SUGCT: variants seen among roughly 807,000 people sequenced by gnomAD.
SUGCT encodes the protein succinyl-CoA:glutarate CoA-transferase.
In SUGCT, 41 loss-of-function variants were observed where a neutral mutation model predicts 55.0. The ratio of observed to expected loss-of-function variants is 0.74; its 90% confidence interval spans 0.58 to 0.97. The LOEUF (loss-of-function observed/expected upper bound fraction) is 0.97. Ranked by LOEUF, SUGCT falls within the 50% of genes least tolerant of loss-of-function variation. The pLI, the probability that SUGCT is intolerant of heterozygous loss-of-function variation, is 0.00. For synonymous variants in SUGCT, 187 were observed against 200.4 expected (o/e 0.93, Z 0.56); for missense variants, 568 against 547.8 (o/e 1.04, Z -0.37).
intron 13 of SUGCT, among the ~76,000 whole-genome samples, chr7:40,777,654 G>A (rs1789530854): frequency 2.0e-5 from 3 of 152,222 alleles, no homozygotes; most frequent in South Asian, 4.2e-4. Context: ...GGAAAGCTGG[G>A]TCTGCTTGGG....
the SUGCT span, among the ~76,000 whole-genome samples, chr7:40,956,732 C>G: frequency 6.6e-6 from 1 of 152,120 alleles, no homozygotes; most frequent in Non-Finnish European, 1.5e-5. Flanking sequence ...TTAGATCTTT[C>G]CTGGTTTCTC....
chr7:40,646,730 A>G (rs568429311), intron 12 of SUGCT, among the ~76,000 whole-genome samples: 1 of 151,100 alleles, frequency 6.6e-6, no homozygotes, highest in Admixed American at 6.6e-5. Context: ...TAACCAGGTC[A>G]CCTCTTCCTC....
intron 12 of SUGCT, among the ~76,000 whole-genome samples, chr7:40,540,936 C>G (rs761111872): frequency 5.3e-5 from 8 of 152,170 alleles, no homozygotes; most frequent in Non-Finnish European, 1.2e-4. Context: ...TGTAACTGTT[C>G]TCATCCACTT....
chr7:40,308,304 T>G (rs1794944172), intron 8 of SUGCT, among the ~76,000 whole-genome samples: 1 of 152,120 alleles, frequency 6.6e-6, no homozygotes, highest in Non-Finnish European at 1.5e-5. Flanking sequence ...GAGAGTACAG[T>G]GACCTGGGTT....
chr7:40,820,750 C>A (rs865804275), intron 13 of SUGCT, among the ~76,000 whole-genome samples: 1 of 152,056 alleles, frequency 6.6e-6, no homozygotes, highest in Non-Finnish European at 1.5e-5. Flanking sequence ...AACTGAATAC[C>A]CTTTATTTCT....
intron 6 of SUGCT, among the ~76,000 whole-genome samples, chr7:40,205,727 C>A (rs549289026): frequency 6.6e-6 from 1 of 150,928 alleles, no homozygotes; most frequent in Non-Finnish European, 1.5e-5. Flanking sequence ...TATGCAAGTA[C>A]CCTCTCATGA....
At chr7:40,249,325 A>ATATATATATATC (rs1790167418) in intron 7 of SUGCT, among the ~76,000 whole-genome samples, 1 of 117,426 alleles carries the variant, frequency 8.5e-6, no homozygotes, top group African/African-American at 3.5e-5. Flanking sequence ...ATATATATAT[A>ATATATATATATC]TATATATATA....
chr7:40,926,578 C>T, the SUGCT span, among the ~76,000 whole-genome samples: 8 of 152,072 alleles, frequency 5.3e-5, no homozygotes, highest in African/African-American at 1.2e-4. Flanking sequence ...TCCAATGTAC[C>T]GGTATTTGGA....
At chr7:40,964,293 A>G in the SUGCT span, among the ~76,000 whole-genome samples, 1 of 152,222 alleles carries the variant, frequency 6.6e-6, no homozygotes, top group South Asian at 2.1e-4. Flanking sequence ...GAGTATATAA[A>G]GGGAAACAGA....
chr7:40,750,061 G>A (rs1787930914), intron 13 of SUGCT, among the ~76,000 whole-genome samples: 1 of 152,144 alleles, frequency 6.6e-6, no homozygotes, highest in African/African-American at 2.4e-5. Context: ...TGCTGCCTAA[G>A]CCGAAATGCC....
intron 13 of SUGCT, among the ~76,000 whole-genome samples, chr7:40,790,540 G>A (rs1038995879): frequency 2.6e-5 from 4 of 152,134 alleles, no homozygotes; most frequent in East Asian, 3.8e-4. Context: ...TTTCTCTGAA[G>A]GCCTAACTCA....
At chr7:40,405,299 A>G (rs79918052) in intron 9 of SUGCT, among the ~76,000 whole-genome samples, 2,507 of 152,308 alleles carry the variant, frequency 0.016, 51 homozygotes, top group African/African-American at 0.051. Context: ...GATGTAGTAT[A>G]TGTATTATAG....
chr7:40,701,881 T>C (rs1375584853), intron 12 of SUGCT, among the ~76,000 whole-genome samples: 1 of 152,288 alleles, frequency 6.6e-6, no homozygotes, highest in Middle Eastern at 3.4e-3. Flanking sequence ...GAAGGAGAGA[T>C]ATGCTCTAAA....
At chr7:40,744,937 C>T (rs1787654772) in intron 12 of SUGCT, among the ~76,000 whole-genome samples, 1 of 152,196 alleles carries the variant, frequency 6.6e-6, no homozygotes, top group Non-Finnish European at 1.5e-5. Context: ...TGGATTTGCT[C>T]CTTTGTTATG....
At chr7:40,867,217 CAT>C in the SUGCT span, among the ~76,000 whole-genome samples, 1 of 149,258 alleles carries the variant, frequency 6.7e-6, no homozygotes, top group South Asian at 2.1e-4. Flanking sequence ...CACATGCCCC[CAT>C]ATATATGTCT....
intron 13 of SUGCT, among the ~76,000 whole-genome samples, chr7:40,790,530 T>G (rs1368069139): frequency 6.6e-6 from 1 of 152,232 alleles, no homozygotes; most frequent in Non-Finnish European, 1.5e-5. Context: ...TAAAATGTCT[T>G]TTCTCTGAAG....
At chr7:40,845,587 G>C (rs756137020) in intron 13 of SUGCT, among the ~76,000 whole-genome samples, 1 of 152,208 alleles carries the variant, frequency 6.6e-6, no homozygotes, top group African/African-American at 2.4e-5. Flanking sequence ...CCAGGGATTA[G>C]AGTGCTGTTA....
chr7:40,312,197 G>C (rs1309926710), intron 8 of SUGCT, among the ~76,000 whole-genome samples: 1 of 151,932 alleles, frequency 6.6e-6, no homozygotes, highest in Non-Finnish European at 1.5e-5. Context: ...GCTCCACCAC[G>C]CCTGGCTAAT....
chr7:40,202,368 A>G (rs572616511), intron 6 of SUGCT, among the ~76,000 whole-genome samples: 23 of 152,270 alleles, frequency 1.5e-4, no homozygotes, highest in Admixed American at 8.5e-4. Flanking sequence ...CCCCAACTTC[A>G]GGCTACTTTC....
Sources: gnomAD v4.1 joint callset for allele counts (sites outside exome capture counted in the v4.1 genomes callset) on GRCh38, gnomAD v4.1.1 for gene constraint, MANE v1.5 for transcripts, NCBI Gene and HGNC (gene_info 2026-07-23, HGNC 2026-07-21) for gene names.